MAGI2: variants seen among roughly 807,000 people sequenced by gnomAD.
MAGI2 encodes membrane-associated guanylate kinase, WW and PDZ domain-containing protein 2.
MAGI2 carries 35 observed loss-of-function variants against 133.3 expected under a neutral mutation model. That is an observed-to-expected ratio of 0.26 (90% confidence interval 0.20 to 0.35). MAGI2 has a LOEUF of 0.35. Among genes scored for constraint, MAGI2 ranks in the 10% least tolerant of loss-of-function variants. The pLI is 1.00. For missense variants in MAGI2, 1,636 were observed against 1,863.4 expected (o/e 0.88, Z 2.25); for synonymous variants, 729 against 710.6 (o/e 1.03, Z -0.41).
chr7:78,515,638 A>G (rs1372301333), intron 4 of MAGI2, among the ~76,000 whole-genome samples: 1 of 151,016 alleles, frequency 6.6e-6, no homozygotes, highest in Non-Finnish European at 1.5e-5. Context: ...CTGTAGCTCA[A>G]GCCTGGAATC....
intron 1 of MAGI2, among the ~76,000 whole-genome samples, chr7:79,358,264 T>C (rs34599162): frequency 0.15 from 22,172 of 152,142 alleles, 1,725 homozygotes; most frequent in South Asian, 0.26. Context: ...AAATAAGGAA[T>C]ATTTTAATGT....
chr7:79,041,157 T>A (rs536347392), intron 1 of MAGI2, among the ~76,000 whole-genome samples: 1 of 152,304 alleles, frequency 6.6e-6, no homozygotes, highest in Admixed American at 6.5e-5. Context: ...TCCTCCTCCA[T>A]GATCCACTAT....
chr7:79,118,293 C>G (rs1017136676), intron 1 of MAGI2, among the ~76,000 whole-genome samples: 3 of 152,110 alleles, frequency 2.0e-5, no homozygotes, highest in Non-Finnish European at 4.4e-5. Context: ...AGTCATCTTC[C>G]TTGTAAATGG....
intron 2 of MAGI2, among the ~76,000 whole-genome samples, chr7:78,971,134 C>A (rs183259483): frequency 6.6e-6 from 1 of 152,022 alleles, no homozygotes; most frequent in African/African-American, 2.4e-5. Flanking sequence ...TACAGTAGAG[C>A]CCCCAGAAGA....
chr7:78,292,356 C>A (rs1442148661), intron 9 of MAGI2, among the ~76,000 whole-genome samples: 1 of 152,086 alleles, frequency 6.6e-6, no homozygotes, highest in African/African-American at 2.4e-5. Context: ...GAATAAAATA[C>A]CTAGGAATCC....
At chr7:79,127,244 G>A (rs1487333642) in intron 1 of MAGI2, among the ~76,000 whole-genome samples, 1 of 151,990 alleles carries the variant, frequency 6.6e-6, no homozygotes, top group Non-Finnish European at 1.5e-5. Flanking sequence ...TATTGTGAAT[G>A]GTGCCACAAT....
intron 1 of MAGI2, among the ~76,000 whole-genome samples, chr7:79,048,046 C>A (rs2116963193): frequency 6.6e-6 from 1 of 152,272 alleles, no homozygotes; most frequent in East Asian, 1.9e-4. Flanking sequence ...AAGCATGGGG[C>A]TTTGCTTGGC....
intron 3 of MAGI2, among the ~76,000 whole-genome samples, chr7:78,540,180 G>A (rs938932447): frequency 6.6e-6 from 1 of 152,180 alleles, no homozygotes; most frequent in Admixed American, 6.5e-5. Context: ...CTACTAGGGT[G>A]GGTAGAGAAA....
At chr7:78,673,412 C>T (rs1304088471) in intron 2 of MAGI2, among the ~76,000 whole-genome samples, 1 of 151,876 alleles carries the variant, frequency 6.6e-6, no homozygotes, top group East Asian at 1.9e-4. Flanking sequence ...AAGCTTGAGA[C>T]CCAGGACAGC....
intron 1 of MAGI2, among the ~76,000 whole-genome samples, chr7:79,127,891 T>C (rs1349075972): frequency 6.6e-6 from 1 of 152,190 alleles, no homozygotes; most frequent in Non-Finnish European, 1.5e-5. Context: ...ATGTCCTGAA[T>C]GGTATTGCCT....
intron 1 of MAGI2, among the ~76,000 whole-genome samples, chr7:79,043,266 C>T (rs763023240): frequency 5.9e-5 from 9 of 151,722 alleles, no homozygotes; most frequent in Admixed American, 2.0e-4. Context: ...GACACAAGGT[C>T]GGGTGCAGTG....
chr7:78,329,608 T>C (rs74647969), intron 9 of MAGI2, among the ~76,000 whole-genome samples: 2 of 152,262 alleles, frequency 1.3e-5, no homozygotes, highest in African/African-American at 4.8e-5. Context: ...CATTTACTTT[T>C]CTTCATGCAT....
chr7:78,704,731 A>G (rs1289862620), intron 2 of MAGI2, among the ~76,000 whole-genome samples: 3 of 150,160 alleles, frequency 2.0e-5, no homozygotes, highest in African/African-American at 7.3e-5. Flanking sequence ...GAAAAACAAG[A>G]AGATCATGTC....
intron 1 of MAGI2, among the ~76,000 whole-genome samples, chr7:79,294,793 A>C (rs894471766): frequency 2.3e-5 from 3 of 131,332 alleles, no homozygotes; most frequent in African/African-American, 8.4e-5. Context: ...GCAGGGGCGC[A>C]ATCTCGGCTC....
At chr7:78,743,097 A>G (rs1822581193) in intron 2 of MAGI2, among the ~76,000 whole-genome samples, 2 of 152,220 alleles carry the variant, frequency 1.3e-5, no homozygotes, top group Non-Finnish European at 2.9e-5. Context: ...CACAGAAATT[A>G]TGAGAAATAA....
At chr7:79,106,985 T>G (rs538076428) in intron 1 of MAGI2, among the ~76,000 whole-genome samples, 17 of 152,292 alleles carry the variant, frequency 1.1e-4, no homozygotes, top group Non-Finnish European at 1.6e-4. Flanking sequence ...TTAGAGTAAT[T>G]TACTCTGGTA....
At chr7:79,169,780 A>G (rs531959272) in intron 1 of MAGI2, among the ~76,000 whole-genome samples, 2 of 152,256 alleles carry the variant, frequency 1.3e-5, no homozygotes, top group East Asian at 3.9e-4. Flanking sequence ...TAACAGCCAC[A>G]TCAACAACTA....
chr7:79,134,943 T>C (rs1821248007), intron 1 of MAGI2, among the ~76,000 whole-genome samples: 1 of 152,174 alleles, frequency 6.6e-6, no homozygotes, highest in Non-Finnish European at 1.5e-5. Flanking sequence ...AATGGGAAAA[T>C]AAAACACACA....
chr7:78,488,512 T>C (rs1283819626), intron 6 of MAGI2, among the ~76,000 whole-genome samples: 1 of 150,296 alleles, frequency 6.7e-6, no homozygotes, highest in Non-Finnish European at 1.5e-5. Flanking sequence ...TTAGAACAGG[T>C]CATGTTAATT....
Sources: allele counts gnomAD v4.1 joint callset (sites outside exome capture counted in the v4.1 genomes callset), GRCh38; gene constraint gnomAD v4.1.1; transcripts MANE v1.5; gene names NCBI Gene and HGNC (gene_info 2026-07-23, HGNC 2026-07-21).